The following MAP4 variants were observed in gnomAD, a reference collection of about 807,000 sequenced individuals.
MAP4 encodes microtubule associated protein 4.
In MAP4, 76 loss-of-function variants were observed where a neutral mutation model predicts 170.2. The ratio of observed to expected loss-of-function variants is 0.45; its 90% CI spans 0.37 to 0.54. The LOEUF is 0.54. MAP4 is among the 20% of genes least tolerant of loss of function. The pLI is 0.00. For synonymous variants in MAP4, 909 were observed against 994.5 expected, an observed-to-expected ratio of 0.91 and a Z score of 1.62; for missense variants, 2,506 against 2,748.0, an observed-to-expected ratio of 0.91 and a Z score of 1.97.
Position 47,870,998 on chromosome 3 carries a change from T to A in MAP4, c.6109A>T (p.Thr2037Ser). Residue 2037 changes from threonine (T) to serine (S), a missense_variant, in exon 15 of 21, where the codon ACA becomes TCA. Coordinates refer to ENST00000683076, the MANE Select transcript of MAP4 (RefSeq NM_001385682.1). ...AGVVPSRVKA[T>S]PMPSRPSTTP... Reference sequence around the variant, plus strand: ...GTGGAGGGCCGGGAGGGCATGGGTGTGGCCTTGACTCGGCTGGGAACCACC... The same window carrying A: ...GTGGAGGGCCGGGAGGGCATGGGTGAGGCCTTGACTCGGCTGGGAACCACC... 3.1e-6 allele frequency: 5 copies of A among 1,614,120 alleles called. No homozygotes were observed. The highest frequency in any genetic ancestry group is 4.2e-6 in the Non-Finnish European group (5 of 1,179,988).
At chr3:47,902,110 T>C (rs921283500) in intron 10 of MAP4, among the ~76,000 whole-genome samples, 9 of 152,196 alleles carry the variant, frequency 5.9e-5, no homozygotes, top group Admixed American at 4.6e-4. Context: ...GCCGTGATCA[T>C]GCCACTGCAC....
chr3:47,948,130 T>C (rs1400918832), intron 3 of MAP4, among the ~76,000 whole-genome samples: 1 of 151,698 alleles, frequency 6.6e-6, no homozygotes, highest in Non-Finnish European at 1.5e-5. Flanking sequence ...CCCAAGTAGC[T>C]GGGACTACAG....
chr3:47,900,047 C>A (rs1443777276), intron 10 of MAP4, among the ~76,000 whole-genome samples: 1 of 152,176 alleles, frequency 6.6e-6, no homozygotes, highest in East Asian at 1.9e-4. Context: ...TCTTTCTTAT[C>A]AGTTACCAAG....
In MAP4 at chr3:47,912,102, C is replaced by T; in HGVS notation, c.2319G>A (p.Lys773=). The T allele has an allele frequency of 6.5e-7, 1 of 1,535,894 alleles. No homozygotes were observed. The highest frequency in any genetic ancestry group is 2.4e-5 in the East Asian group (1 of 40,924). The stretch of plus-strand genomic sequence containing the variant: ...GAGAATATCTCTTTTGCTTTGGTTT[C>T]TTCTTCTTTTTCTTCATCATTATTG... ...STPIMMKKKK[K]KPKQKRYSQP... Residue 773 remains lysine, a synonymous_variant, in exon 9 of 21, where the codon AAG becomes AAA. Transcript: ENST00000683076.
chr3:48,070,665 C>A (rs1232610216), intron 1 of MAP4, among the ~76,000 whole-genome samples: 2 of 151,700 alleles, frequency 1.3e-5, no homozygotes, highest in Admixed American at 1.3e-4. Flanking sequence ...GTGGACCCAC[C>A]AATACATTCT....
chr3:47,969,870 AAAAG>A (rs576886018), intron 3 of MAP4, among the ~76,000 whole-genome samples: 4 of 152,212 alleles, frequency 2.6e-5, no homozygotes, highest in African/African-American at 4.8e-5. Flanking sequence ...AAAAAAAAAA[AAAAG>A]AGTCTTAAGC....
Position 48,008,458 on chromosome 3 carries a change from C to G in MAP4, c.-20+7876G>C, listed in dbSNP as rs561352550. On this transcript the variant is annotated intron_variant, in intron 1 of 20. Transcript: ENST00000683076. The stretch of plus-strand genomic sequence containing the variant: ...GTGGGCAGAACTTCGAGCAGTGCAC[C>G]TGGTTGTGCACTTTGAATGGAAGGA... 7.9e-5 allele frequency among the ~76,000 whole-genome samples: 12 copies of G among 152,314 alleles called. No individual in the cohort carries two copies. In the South Asian group the frequency reaches 8.3e-4, roughly 11 times the overall value.
At chr3:48,037,445 G>T (rs978198861) in intron 1 of MAP4, among the ~76,000 whole-genome samples, 7 of 151,994 alleles carry the variant, frequency 4.6e-5, no homozygotes, top group Non-Finnish European at 8.8e-5. Context: ...TCAGGCTGGC[G>T]TGCAGTGACA....
intron 10 of MAP4, among the ~76,000 whole-genome samples, chr3:47,899,800 C>CT (rs2100029060): frequency 6.6e-6 from 1 of 152,160 alleles, no homozygotes; most frequent in Non-Finnish European, 1.5e-5. Flanking sequence ...CTGGAATGTC[C>CT]TTTGAGCTAA....
rs540574935 is a variant in MAP4 at position 47,960,738 on chromosome 3, C to CTT, written c.292+17126_292+17127insAA. ...TCAATACATCAAGAGGACATTAGCACCAATGTAAGATTCTCATGACTTTTC... is the reference window on the plus strand; with the variant it reads ...TCAATACATCAAGAGGACATTAGCACTTCAATGTAAGATTCTCATGACTTTTC... On this transcript the variant is annotated intron_variant, in intron 3 of 20. Transcript: ENST00000683076. 9.4e-4 allele frequency: 156 copies of CTT among 165,086 alleles called. No individual in the cohort carries two copies. In the East Asian group the frequency reaches 0.024, roughly 25 times the overall value. The allele number at this position is 165,086 out of a possible 1,614,324, so 10.2% of individuals were successfully genotyped here.
At position 47,877,422 on chromosome 3, in the gene MAP4, T is replaced by G; in HGVS notation, c.5536A>C (p.Thr1846Pro). 6.2e-7 allele frequency: 1 copy of G among 1,613,578 alleles called. No individual in the cohort carries two copies. The highest frequency in any genetic ancestry group is 1.1e-5 in the South Asian group (1 of 91,056). ...KELPPSPEKK[T>P]KPLATTQPAK... The stretch of plus-strand genomic sequence containing the variant: ...ACCACCATTCTGGCACCTACCTTTG[T>G]TTTCTTCTCTGGGCTTGGTGGGAGC... Residue 1846 changes from threonine (T) to proline (P), a missense_variant, in exon 11 of 21, where the codon ACA (threonine) becomes CCA (proline). Coordinates refer to ENST00000683076, the MANE Select transcript of MAP4 (RefSeq NM_001385682.1).
intron 1 of MAP4, among the ~76,000 whole-genome samples, chr3:48,001,164 G>T (rs2100098934): frequency 6.6e-6 from 1 of 152,148 alleles, no homozygotes; most frequent in African/African-American, 2.4e-5. Context: ...CCAGGGGCAA[G>T]ATCTACATCT....
intron 3 of MAP4, among the ~76,000 whole-genome samples, chr3:47,967,587 G>A (rs923698198): frequency 2.0e-5 from 3 of 152,190 alleles, no homozygotes; most frequent in African/African-American, 7.2e-5. Flanking sequence ...GGAAGGTGGA[G>A]GCTGCAGTGA....
Position 48,067,993 on chromosome 3 carries a change from G to A in MAP4, c.-20+20780C>T, listed in dbSNP as rs559750332. On this transcript the variant is annotated intron_variant, in intron 1 of 18. Coordinates refer to the MAP4 transcript ENST00000360240. ...TAAATAATATTTAAGGACCAGGTGT[G>A]ATGGCTCATACCTGTAATCCCAGCA... Among the ~76,000 whole-genome samples the A allele has an allele frequency of 4.6e-5, 7 of 152,134 alleles. No homozygotes were observed. The East Asian group carries it at 9.7e-4, about 21-fold the overall frequency.
At chr3:47,977,429 C>G (rs576074342) in intron 3 of MAP4, among the ~76,000 whole-genome samples, 1 of 152,254 alleles carries the variant, frequency 6.6e-6, no homozygotes, top group Non-Finnish European at 1.5e-5. Flanking sequence ...AAAGGAAACA[C>G]ACTGGGGGCA....
chr3:47,892,504 A>C, intron 10 of MAP4: 1 of 1,510,436 alleles, frequency 6.6e-7, no homozygotes, highest in Non-Finnish European at 8.8e-7. Context: ...TCTCTCCTCC[A>C]CTGCTCTCCC....
intron 1 of MAP4, among the ~76,000 whole-genome samples, chr3:48,055,269 A>G (rs1173889272): frequency 1.3e-5 from 2 of 151,736 alleles, no homozygotes; most frequent in East Asian, 3.9e-4. Flanking sequence ...TGCGGAGCCG[A>G]AGCTGGACTG....
At chr3:47,864,871 A>G (rs1044300177) in intron 17 of MAP4, among the ~76,000 whole-genome samples, 1 of 152,082 alleles carries the variant, frequency 6.6e-6, no homozygotes, top group Admixed American at 6.5e-5. Context: ...TTTTTTGTAG[A>G]GACGGGGGTC....
At chr3:47,998,456 A>G (rs2100097216) in intron 2 of MAP4, among the ~76,000 whole-genome samples, 182 bp downstream of exon 2, 2 of 152,172 alleles carry the variant, frequency 1.3e-5, no homozygotes, top group African/African-American at 4.8e-5. Flanking sequence ...TCATCCACAG[A>G]CTCATGAACG....
Sources: gnomAD v4.1 joint callset for allele counts (sites outside exome capture counted in the v4.1 genomes callset) on GRCh38, gnomAD v4.1.1 for gene constraint, MANE v1.5 for transcripts, NCBI Gene and HGNC (gene_info 2026-07-23, HGNC 2026-07-21) for gene names.